Variants in CCDC171 observed in about 807,000 individuals in gnomAD.
The protein encoded by CCDC171 is coiled-coil domain-containing protein 171.
Under a neutral mutation model 168.2 loss-of-function variants are expected in CCDC171, and 177 were observed. That is an observed-to-expected ratio of 1.05 (90% CI 0.93 to 1.19). The LOEUF (loss-of-function observed/expected upper bound fraction) is 1.19, where lower values mean the gene tolerates loss of function less well. CCDC171 is among the 50% of genes most tolerant of loss of function. The pLI, the probability that CCDC171 is intolerant of heterozygous loss-of-function variation, is 0.00. For synonymous variants in CCDC171, 687 were observed against 540.8 expected (o/e 1.27, Z -3.75); for missense variants, 1,991 against 1,539.0 (o/e 1.29, Z -4.91).
At chr9:15,777,911 G>T in intron 19 of CCDC171, 85 bp downstream of exon 19, 2 of 870,838 alleles carry the variant, frequency 2.3e-6, no homozygotes, top group Non-Finnish European at 1.7e-6. Flanking sequence ...TAAATTATTA[G>T]TTGTACATGA....
rs918588926 is a variant in CCDC171, at chr9:15,920,300, C to T, written c.3631C>T (p.Gln1211Ter). 8 of 1,594,620 alleles carry T rather than the reference C, an allele frequency of 5.0e-6. No individual in the cohort carries two copies. The highest frequency in any genetic ancestry group is 5.1e-6 in the Non-Finnish European group (6 of 1,168,604). ...AMIKSFMDVYQLASTRIMTLE... is the reference protein window; with the variant it reads ...AMIKSFMDVY ...GATTAAAAGTTTCATGGATGTCTAC[C>T]AGCTTGCAAGCACTAGAATCATGAC... is the stretch of plus-strand genomic sequence containing the variant. The change falls in exon 25 of 26, where the codon CAG (glutamine) becomes TAG (stop). Residue 1211 changes from glutamine (Q) to a stop codon, truncating the protein, a stop_gained. Coordinates refer to ENST00000380701, the MANE Select transcript of CCDC171 (RefSeq NM_173550.4). LOFTEE classifies it high-confidence loss of function.
At chr9:16,066,401 C>G (rs553240146), downstream of CCDC171, among the ~76,000 whole-genome samples, 11 of 152,142 alleles carry the variant, frequency 7.2e-5, no homozygotes, top group South Asian at 2.3e-3. Context: ...GAAAAATCCC[C>G]TGTCATGCCA....
chr9:15,594,033 A>G lies in CCDC171; in HGVS notation c.544-8A>G, dbSNP rs754475107. ...CTAACAGTAAAGCAAGATTTTATTT[A>G]TATAAAGGAAGCGTTGGAAAAACAT... On this transcript the variant is annotated splice_region_variant and splice_polypyrimidine_tract_variant and intron_variant, in intron 5 of 25. Coordinates refer to ENST00000380701, the MANE Select transcript of CCDC171 (RefSeq NM_173550.4). 1.3e-6 allele frequency: 2 copies of G among 1,572,152 alleles called. No homozygotes were observed. The highest frequency in any genetic ancestry group is 1.7e-6 in the Non-Finnish European group (2 of 1,155,842).
At chr9:15,656,237 G>C (rs1399689095) in intron 7 of CCDC171, among the ~76,000 whole-genome samples, 1 of 151,746 alleles carries the variant, frequency 6.6e-6, no homozygotes, top group African/African-American at 2.4e-5. Context: ...CAGGAGAATG[G>C]TATGAACCCG....
intron 2 of CCDC171, among the ~76,000 whole-genome samples, chr9:15,569,197 G>C (rs1273520476): frequency 6.6e-6 from 1 of 152,114 alleles, no homozygotes; most frequent in East Asian, 1.9e-4. Flanking sequence ...TATTTCCATG[G>C]ATTTGTTTCT....
At chr9:15,954,157 T>A (rs1829521012) in intron 25 of CCDC171, among the ~76,000 whole-genome samples, 1 of 151,726 alleles carries the variant, frequency 6.6e-6, no homozygotes, top group Admixed American at 6.6e-5. Context: ...CTTTCTTTTT[T>A]TTTTTTTAGT....
intron 14 of CCDC171, among the ~76,000 whole-genome samples, chr9:15,726,946 G>GAGCTATTTGACATTATAGTAAGTA (rs2053846315): frequency 6.6e-6 from 1 of 152,076 alleles, no homozygotes; most frequent in Non-Finnish European, 1.5e-5. Flanking sequence ...CTTATAAAGA[G>GAGCTATTTGACATTATAGTAAGTA]AGCTATTTGA....
rs773036111 is a variant in CCDC171, at chr9:15,666,156, C to G, written c.916-7C>G. 2.5e-6 allele frequency: 4 copies of G among 1,612,334 alleles called. No individual in the cohort carries two copies. Among genetic ancestry groups the G allele is most frequent in the East Asian group, 4.5e-5 (2 of 44,824 alleles). ...CTTGATTTAATTACTTGTCTGTCGT[C>G]CGGTAGTTACGGATTCGAGACCTTG... On this transcript the variant is annotated splice_region_variant and splice_polypyrimidine_tract_variant and intron_variant, in intron 8 of 25. Coordinates refer to ENST00000380701, the MANE Select transcript of CCDC171 (RefSeq NM_173550.4).
chr9:15,882,251 T>A (rs918119669), intron 24 of CCDC171, among the ~76,000 whole-genome samples: 3 of 152,242 alleles, frequency 2.0e-5, no homozygotes, highest in African/African-American at 7.2e-5. Context: ...TTGAGAAATA[T>A]CTATTCAGAT....
At chr9:15,776,600 A>C (rs2057341377) in intron 18 of CCDC171, among the ~76,000 whole-genome samples, 2 of 152,208 alleles carry the variant, frequency 1.3e-5, no homozygotes, top group Non-Finnish European at 2.9e-5. Flanking sequence ...TTAAACATTG[A>C]GGAATAAAAT....
At chr9:15,974,644 A>T (rs1464036094), downstream of CCDC171, among the ~76,000 whole-genome samples, 1 of 152,196 alleles carries the variant, frequency 6.6e-6, no homozygotes, top group African/African-American at 2.4e-5. Flanking sequence ...TGTATTTTGG[A>T]ATGACATAAT....
chr9:15,580,351 A>G (rs889976973), intron 4 of CCDC171, among the ~76,000 whole-genome samples: 1 of 152,206 alleles, frequency 6.6e-6, no homozygotes, highest in African/African-American at 2.4e-5. Flanking sequence ...CAACAAAAAC[A>G]AAGATAAATA....
chr9:15,666,246 G>C lies in CCDC171; in HGVS notation c.999G>C (p.Lys333Asn), dbSNP rs1261896376. 5 of 1,613,660 alleles carry C rather than the reference G, an allele frequency of 3.1e-6. No homozygotes were observed. The African/African-American group carries it at 6.7e-5, about 22-fold the overall frequency. The part of the protein sequence containing the change: ...AEAVADLEII[K>N]NEFKEVESAY... ...CTGTTGCTGATTTGGAAATTATCAA[G>C]AATGAATTCAAAGAAGTTGAAAGTG... The change falls in exon 9 of 26, where the codon AAG (lysine) becomes AAC (asparagine). Residue 333 changes from lysine (K) to asparagine (N), a missense_variant. Coordinates refer to ENST00000380701, the MANE Select transcript of CCDC171 (RefSeq NM_173550.4).
At chr9:15,592,369 GA>G (rs920395342) in intron 5 of CCDC171, among the ~76,000 whole-genome samples, 5 of 148,502 alleles carry the variant, frequency 3.4e-5, no homozygotes, top group East Asian at 2.0e-4. Flanking sequence ...ACAAAACAAA[GA>G]AAAAAAAACG....
chr9:15,650,527 A>G (rs1341016004), intron 7 of CCDC171, among the ~76,000 whole-genome samples: 2 of 152,144 alleles, frequency 1.3e-5, no homozygotes, highest in African/African-American at 2.4e-5. Context: ...GGTCATTTAC[A>G]TATCTTTTTT....
downstream of CCDC171, among the ~76,000 whole-genome samples, chr9:15,978,954 C>A (rs57519970): frequency 0.076 from 11,589 of 152,104 alleles, 1,447 homozygotes; most frequent in African/African-American, 0.26. Context: ...ATGGATTTGC[C>A]TATTTTTGTA....
chr9:15,604,919 T>C (rs1211431545), intron 6 of CCDC171, among the ~76,000 whole-genome samples: 1 of 152,230 alleles, frequency 6.6e-6, no homozygotes. Context: ...TATTTTGTTT[T>C]ATTATTTTAT....
chr9:15,874,681 A>C lies in CCDC171; in HGVS notation c.3600+18A>C. ...CATGCCAGGTTAGAGTCTAAATAAC[A>C]TTGTTTGCTACTGAGACATATAGAA... On this transcript the variant is annotated intron_variant, in intron 24 of 25. Coordinates refer to ENST00000380701, the MANE Select transcript of CCDC171 (RefSeq NM_173550.4). 2 of 1,547,908 alleles carry C rather than the reference A, an allele frequency of 1.3e-6. No individual in the cohort carries two copies. The highest frequency in any genetic ancestry group is 1.7e-6 in the Non-Finnish European group (2 of 1,147,394).
chr9:15,721,171 A>G (rs1337447058), intron 11 of CCDC171, among the ~76,000 whole-genome samples: 5 of 152,338 alleles, frequency 3.3e-5, no homozygotes, highest in African/African-American at 1.2e-4. Context: ...GATGTAGGCT[A>G]TGTAGATAAT....
Sources: gnomAD v4.1 joint callset for allele counts (sites outside exome capture counted in the v4.1 genomes callset) on GRCh38, gnomAD v4.1.1 for gene constraint, MANE v1.5 for transcripts, NCBI Gene and HGNC (gene_info 2026-07-23, HGNC 2026-07-21) for gene names.